PPP2R3A: variants seen among roughly 807,000 people sequenced by gnomAD.
PPP2R3A encodes the protein serine/threonine-protein phosphatase 2A regulatory subunit B'' subunit alpha.
A neutral mutation model predicts 106.9 loss-of-function variants in PPP2R3A; 80 were observed. The ratio of observed to expected loss-of-function variants is 0.75; its 90% confidence interval spans 0.62 to 0.90. The LOEUF (loss-of-function observed/expected upper bound fraction) is 0.90, where lower values mean the gene tolerates loss of function less well. Among genes scored for constraint, PPP2R3A ranks in the 40% least tolerant of loss-of-function variants. The probability of loss-of-function intolerance (pLI) is 0.00; values close to 1 mark genes in which losing one functional copy is unlikely to be tolerated. For synonymous variants in PPP2R3A, 483 were observed against 468.3 expected (o/e 1.03, Z -0.41); for missense variants, 1,386 against 1,350.4 (o/e 1.03, Z -0.41).
intron 3 of PPP2R3A, among the ~76,000 whole-genome samples, chr3:136,038,054 C>T (rs189889741): frequency 3.1e-4 from 47 of 152,094 alleles, no homozygotes; most frequent in Non-Finnish European, 5.3e-4. Context: ...CAGATTAATA[C>T]CATTTACTGT....
chr3:135,991,054 G>A (rs539873346), intron 1 of PPP2R3A, among the ~76,000 whole-genome samples: 8 of 152,130 alleles, frequency 5.3e-5, no homozygotes, highest in African/African-American at 9.6e-5. Context: ...CTTACAGGAC[G>A]TTTTCCCTTC....
intron 4 of PPP2R3A, among the ~76,000 whole-genome samples, chr3:136,048,795 T>C (rs187961010): frequency 6.6e-6 from 1 of 152,160 alleles, no homozygotes; most frequent in East Asian, 1.9e-4. Context: ...AGCATGGATA[T>C]TGGCAGTGGG....
chr3:136,030,145 G>A (rs1172474758), intron 3 of PPP2R3A, among the ~76,000 whole-genome samples: 2 of 152,048 alleles, frequency 1.3e-5, no homozygotes, highest in African/African-American at 4.8e-5. Flanking sequence ...CTGAGCTCAG[G>A]AGGTTGAGGC....
At chr3:136,123,978 C>T (rs531976354) in intron 13 of PPP2R3A, among the ~76,000 whole-genome samples, 19 of 152,226 alleles carry the variant, frequency 1.2e-4, no homozygotes, top group African/African-American at 4.6e-4. Context: ...CTTTTCCAGA[C>T]CACATCTTTG....
At chr3:136,130,219 T>A (rs912930895) in intron 13 of PPP2R3A, among the ~76,000 whole-genome samples, 5 of 152,116 alleles carry the variant, frequency 3.3e-5, no homozygotes, top group Non-Finnish European at 7.4e-5. Flanking sequence ...AAAGAGGAAG[T>A]CAAATTGTCC....
chr3:136,094,277 G>A lies in PPP2R3A; in HGVS notation c.2927+3610G>A, dbSNP rs566650966. On this transcript the variant is annotated intron_variant, in intron 10 of 13. Transcript: ENST00000264977. ...GAGTCTCTTTTTGTAGGTGATGAAA[G>A]TGTCCCTATATTAATTGTAGTGATG... Among the ~76,000 whole-genome samples, 6 of 152,274 alleles carry A rather than the reference G, an allele frequency of 3.9e-5. No individual in the cohort carries two copies. In the South Asian group the frequency reaches 1.2e-3, roughly 32 times the overall value.
chr3:136,120,432 A>G (rs1252711406), intron 13 of PPP2R3A, among the ~76,000 whole-genome samples: 1 of 152,106 alleles, frequency 6.6e-6, no homozygotes. Flanking sequence ...TACTAAAAAC[A>G]CAAAAATTAG....
chr3:136,106,148 G>C, intron 12 of PPP2R3A, 68 bp from the exon 13 acceptor site: 1 of 1,303,358 alleles, frequency 7.7e-7, no homozygotes, highest in Admixed American at 2.1e-5. Flanking sequence ...ACATTTGTGT[G>C]ATGATCTATC....
intron 12 of PPP2R3A, among the ~76,000 whole-genome samples, chr3:136,104,886 TCTTCA>T (rs1017287458): frequency 4.6e-5 from 7 of 152,240 alleles, no homozygotes; most frequent in African/African-American, 1.7e-4. Flanking sequence ...GTCTTTTCCC[TCTTCA>T]CTTATTTTCT....
chr3:135,996,772 A>G (rs1933416079), intron 1 of PPP2R3A, among the ~76,000 whole-genome samples: 1 of 152,142 alleles, frequency 6.6e-6, no homozygotes, highest in Non-Finnish European at 1.5e-5. Flanking sequence ...GTTCCTAATC[A>G]GATACCTCCT....
chr3:136,009,061 G>C (rs1933951649), intron 2 of PPP2R3A, among the ~76,000 whole-genome samples: 1 of 151,610 alleles, frequency 6.6e-6, no homozygotes, highest in Admixed American at 6.6e-5. Flanking sequence ...GTTTCACCAT[G>C]TCCTCTTGCA....
rs1317676369 is a variant in PPP2R3A, at chr3:136,002,165, T to C, written c.667T>C (p.Phe223Leu). The C allele has an allele frequency of 6.2e-7, 1 of 1,613,312 alleles. No homozygotes were observed. Among genetic ancestry groups the C allele is most frequent in the African/African-American group, 1.3e-5 (1 of 74,832 alleles). ...QILEKHKIDN[F>L]SSGTDIKMCL... is the part of the protein sequence containing the mutation. Reference sequence around the variant, plus strand: ...TTTGGAAAAACATAAAATAGATAATTTTTCTTCTGGGACAGACATAAAGAT... The same window carrying C: ...TTTGGAAAAACATAAAATAGATAATCTTTCTTCTGGGACAGACATAAAGAT... Residue 223 changes from phenylalanine to leucine, a missense_variant, in exon 2 of 14, where the codon TTT becomes CTT. Coordinates refer to ENST00000264977, the MANE Select transcript of PPP2R3A (RefSeq NM_002718.5).
In PPP2R3A at chr3:136,044,441, A is replaced by G. The variant is rs367661398; in HGVS notation, c.2366+3479A>G. On this transcript the variant is annotated intron_variant, in intron 4 of 13. Transcript: ENST00000264977. The stretch of plus-strand genomic sequence containing the variant: ...TCTAGTGAAAGAGTTACACCAAGCC[A>G]TGTGTGCTGGCTTGCACCTGTAATC... Among the ~76,000 whole-genome samples, 8 of 152,096 alleles carry G rather than the reference A, an allele frequency of 5.3e-5. No homozygotes were observed. The South Asian group carries it at 1.2e-3, about 24-fold the overall frequency.
chr3:135,982,813 T>G (rs925570619), intron 1 of PPP2R3A, among the ~76,000 whole-genome samples: 2 of 152,044 alleles, frequency 1.3e-5, no homozygotes, highest in African/African-American at 4.8e-5. Context: ...TTCATAATAT[T>G]GAATGAAAAA....
chr3:136,061,044 C>A (rs1285244563), intron 5 of PPP2R3A, among the ~76,000 whole-genome samples: 1 of 151,496 alleles, frequency 6.6e-6, no homozygotes, highest in Non-Finnish European at 1.5e-5. Flanking sequence ...AATAAAAAAA[C>A]AAGAATAAAC....
At chr3:136,091,677 C>T (rs1937097508) in intron 10 of PPP2R3A, among the ~76,000 whole-genome samples, 5 of 152,024 alleles carry the variant, frequency 3.3e-5, no homozygotes. Flanking sequence ...TAAGCCATTT[C>T]TTGGAGAGCT....
intron 12 of PPP2R3A, 107 bp downstream of exon 12, chr3:136,103,483 A>G (rs1391911639): frequency 4.0e-6 from 3 of 742,888 alleles, no homozygotes; most frequent in Non-Finnish European, 6.6e-6. Context: ...AAGAGGTAAC[A>G]TTTGTAACAT....
chr3:136,026,337 T>C (rs1934654452), intron 2 of PPP2R3A, among the ~76,000 whole-genome samples: 1 of 152,198 alleles, frequency 6.6e-6, no homozygotes, highest in South Asian at 2.1e-4. Context: ...GCAGTGATTC[T>C]ACCTCAGCAA....
intron 13 of PPP2R3A, among the ~76,000 whole-genome samples, chr3:136,135,944 G>A (rs531558726): frequency 9.5e-4 from 143 of 150,690 alleles, no homozygotes; most frequent in Non-Finnish European, 1.7e-3. Flanking sequence ...AGGCTGGGGC[G>A]GGAGGATCAT....
Sources: gnomAD v4.1 joint callset for allele counts (sites outside exome capture counted in the v4.1 genomes callset) on GRCh38, gnomAD v4.1.1 for gene constraint, MANE v1.5 for transcripts, NCBI Gene and HGNC (gene_info 2026-07-23, HGNC 2026-07-21) for gene names.